Variants in HDAC9 observed in about 807,000 individuals in gnomAD.
HDAC9 encodes MEF-2 interacting transcription repressor (MITR) protein.
HDAC9 carries 41 observed loss-of-function variants against 139.4 expected under a neutral mutation model. The ratio of observed to expected loss-of-function variants is 0.29; its 90% CI spans 0.23 to 0.38. The LOEUF is 0.38. Among genes scored for constraint, HDAC9 ranks in the 10% least tolerant of loss-of-function variants. The probability of loss-of-function intolerance (pLI) is 1.00; values close to 1 mark genes in which losing one functional copy is unlikely to be tolerated. For missense variants in HDAC9, 1,147 were observed against 1,297.0 expected (o/e 0.88, Z 1.78); for synonymous variants, 517 against 476.2 (o/e 1.09, Z -1.12).
At chr7:18,382,562 G>A (rs1391591755) in intron 1 of HDAC9, among the ~76,000 whole-genome samples, 3 of 152,234 alleles carry the variant, frequency 2.0e-5, no homozygotes, top group Non-Finnish European at 4.4e-5. Context: ...CGCCCATGGA[G>A]TGTATTATTT....
intron 25 of HDAC9, among the ~76,000 whole-genome samples, chr7:18,989,843 C>T (rs1334162331): frequency 1.4e-5 from 2 of 145,264 alleles, no homozygotes; most frequent in African/African-American, 5.2e-5. Flanking sequence ...CAGTTGATCG[C>T]ATCGGCTCCT....
chr7:18,982,142 A>G (rs183839172), intron 25 of HDAC9, among the ~76,000 whole-genome samples: 100 of 152,226 alleles, frequency 6.6e-4, no homozygotes, highest in African/African-American at 2.2e-3. Flanking sequence ...TTGAGACAAT[A>G]TATATATTTT....
chr7:18,107,292 T>C (rs1019429346), intron 1 of HDAC9, among the ~76,000 whole-genome samples: 6 of 152,104 alleles, frequency 3.9e-5, no homozygotes, highest in African/African-American at 1.4e-4. Context: ...TGCTTTGTCT[T>C]TCATTAAAAA....
chr7:18,460,999 A>G (rs1793796386), intron 1 of HDAC9, among the ~76,000 whole-genome samples: 1 of 152,140 alleles, frequency 6.6e-6, no homozygotes, highest in African/African-American at 2.4e-5. Flanking sequence ...TAAAAAAGCC[A>G]GAAGAAGAAA....
At chr7:18,506,223 G>T (rs534091062) in intron 2 of HDAC9, among the ~76,000 whole-genome samples, 52 of 152,252 alleles carry the variant, frequency 3.4e-4, no homozygotes, top group African/African-American at 1.2e-3. Context: ...TTTTATCTCT[G>T]CCACCTTGAG....
At chr7:18,625,067 A>G (rs1347455486) in intron 6 of HDAC9, among the ~76,000 whole-genome samples, 1 of 152,152 alleles carries the variant, frequency 6.6e-6, no homozygotes, top group East Asian at 1.9e-4. Flanking sequence ...AATGCCTCAA[A>G]TGTTATCCTT....
intron 2 of HDAC9, among the ~76,000 whole-genome samples, chr7:18,272,958 ACT>A (rs1796458444): frequency 1.0e-5 from 1 of 99,812 alleles, no homozygotes; most frequent in African/African-American, 3.4e-5. Context: ...TACTACTACT[ACT>A]ACTACTATTT....
At chr7:18,691,092 C>A (rs190845004) in intron 12 of HDAC9, among the ~76,000 whole-genome samples, 58 of 152,078 alleles carry the variant, frequency 3.8e-4, no homozygotes, top group Non-Finnish European at 2.9e-4. Flanking sequence ...AGTATTTACA[C>A]ATGCATAGAA....
intron 2 of HDAC9, among the ~76,000 whole-genome samples, chr7:18,551,905 T>C (rs1213218412): frequency 6.6e-6 from 1 of 152,210 alleles, no homozygotes; most frequent in Non-Finnish European, 1.5e-5. Flanking sequence ...TTGAAATGTA[T>C]TTTATGTATT....
chr7:18,100,296 C>A (rs902418099), intron 1 of HDAC9, among the ~76,000 whole-genome samples: 2 of 151,734 alleles, frequency 1.3e-5, no homozygotes, highest in African/African-American at 4.8e-5. Flanking sequence ...CTTCATGTTT[C>A]TTGTGCTTTG....
intron 21 of HDAC9, among the ~76,000 whole-genome samples, chr7:18,839,148 C>T (rs1281752116): frequency 6.6e-6 from 1 of 152,010 alleles, no homozygotes; most frequent in Non-Finnish European, 1.5e-5. Context: ...TTATGTTCAA[C>T]TAAAATATAT....
chr7:18,113,885 G>A (rs1783794453), intron 1 of HDAC9, among the ~76,000 whole-genome samples: 1 of 152,050 alleles, frequency 6.6e-6, no homozygotes, highest in Non-Finnish European at 1.5e-5. Context: ...AATATTCATA[G>A]AGATTGGTAT....
chr7:18,432,427 T>C (rs910442436), intron 1 of HDAC9, among the ~76,000 whole-genome samples: 4 of 152,226 alleles, frequency 2.6e-5, no homozygotes, highest in Admixed American at 2.0e-4. Flanking sequence ...TGGTAGACAG[T>C]CAACAAATGT....
chr7:18,895,845 G>A (rs1359033166), intron 22 of HDAC9, among the ~76,000 whole-genome samples: 1 of 152,026 alleles, frequency 6.6e-6, no homozygotes, highest in Admixed American at 6.6e-5. Context: ...TTAGAGACTT[G>A]AAATGCAGCT....
chr7:18,701,726 G>A (rs17433270), intron 12 of HDAC9, among the ~76,000 whole-genome samples: 20,231 of 152,198 alleles, frequency 0.13, 1,453 homozygotes, highest in East Asian at 0.21. Context: ...CACACATGAA[G>A]TGAACAGGGA....
At chr7:18,540,103 C>CAAAAAAAA (rs34620445) in intron 2 of HDAC9, among the ~76,000 whole-genome samples, 274 of 58,356 alleles carry the variant, frequency 4.7e-3, no homozygotes, top group East Asian at 5.5e-3. Context: ...ACTAAAAATA[C>CAAAAAAAA]AAAAAAAAAA....
At chr7:18,434,211 A>G (rs957267643) in intron 1 of HDAC9, among the ~76,000 whole-genome samples, 4 of 152,242 alleles carry the variant, frequency 2.6e-5, no homozygotes, top group African/African-American at 9.6e-5. Context: ...AGCTATCCGT[A>G]TGCAGAAGAT....
At chr7:18,597,560 T>C (rs1456938622) in intron 6 of HDAC9, among the ~76,000 whole-genome samples, 1 of 152,122 alleles carries the variant, frequency 6.6e-6, no homozygotes, top group African/African-American at 2.4e-5. Context: ...ACTTTGGAAA[T>C]GGTACATGTT....
chr7:18,929,333 T>C (rs1351207635), intron 22 of HDAC9, among the ~76,000 whole-genome samples: 1 of 152,188 alleles, frequency 6.6e-6, no homozygotes, highest in Non-Finnish European at 1.5e-5. Flanking sequence ...TAATCAAAAA[T>C]ATTAAATTTG....
Sources: allele counts gnomAD v4.1 joint callset (sites outside exome capture counted in the v4.1 genomes callset), GRCh38; gene constraint gnomAD v4.1.1; transcripts MANE v1.5; gene names NCBI Gene and HGNC (gene_info 2026-07-23, HGNC 2026-07-21).